The following PCDHGA2 variants were observed in gnomAD, a reference collection of about 807,000 sequenced individuals.
PCDHGA2 encodes the protein protocadherin gamma subfamily A, 2, also known as protocadherin gamma-A2.
A neutral mutation model predicts 59.2 loss-of-function variants in PCDHGA2; 40 were observed. That is an observed-to-expected ratio of 0.68 (90% confidence interval 0.52 to 0.88). The LOEUF is 0.88. Among genes scored for constraint, PCDHGA2 ranks in the 40% least tolerant of loss-of-function variants. PCDHGA2 has a pLI of 0.00. For synonymous variants in PCDHGA2, 560 were observed against 526.0 expected (o/e 1.06, Z -0.89); for missense variants, 1,226 against 1,204.0 (o/e 1.02, Z -0.27).
In PCDHGA2 at chr5:141,487,107, T is replaced by C. The variant is rs1193091014; in HGVS notation, c.2425-7700T>C. 6.2e-7 allele frequency: 1 copy of C among 1,613,926 alleles called. No individual in the cohort carries two copies. The highest frequency in any genetic ancestry group is 8.5e-7 in the Non-Finnish European group (1 of 1,179,782). On this transcript the variant is annotated intron_variant, in intron 1 of 3. Transcript: ENST00000394576. This position sits in a 1 kb window ranked among gnomAD's most constrained non-coding sequence, Gnocchi z 5.0. ...GACCTCCCACCACAGAAGCTGGTCA[T>C]TGTGGTAAAGGATAGTGGTAGTCCA...
intron 2 of PCDHGA2, among the ~76,000 whole-genome samples, chr5:141,504,355 C>T (rs974022699): frequency 6.6e-6 from 1 of 152,078 alleles, no homozygotes; most frequent in Non-Finnish European, 1.5e-5. Flanking sequence ...GTGCTAGGTG[C>T]TTCAGTAGGA....
Position 141,432,059 on chromosome 5 carries a change from A to T in PCDHGA2, c.2425-62748A>T. On this transcript the variant is annotated intron_variant, in intron 1 of 3. Transcript: ENST00000394576. This position sits in a 1 kb window ranked among gnomAD's most constrained non-coding sequence, Gnocchi z 6.0. ...TGACCGGGGAACCCCGCCCCTATCC[A>T]CGGAAACTCATATCTCGCTGAACGT... The T allele has an allele frequency of 6.2e-7, 1 of 1,614,170 alleles. No homozygotes were observed. Among genetic ancestry groups the T allele is most frequent in the Non-Finnish European group, 8.5e-7 (1 of 1,180,030 alleles).
At position 141,410,475 on chromosome 5, in the gene PCDHGA2, A is replaced by G. The variant is rs185995562; in HGVS notation, c.2424+69080A>G. ...TATTCTTATAATCTGTGCATTGCAC[A>G]TACGGGTACAAAAGAGTTTAATTTC... is the stretch of plus-strand genomic sequence containing the variant. On this transcript the variant is annotated intron_variant, in intron 1 of 3. Transcript: ENST00000394576. The G allele has an allele frequency of 3.7e-6, 6 of 1,614,052 alleles. No homozygotes were observed. In the South Asian group the frequency reaches 6.6e-5, roughly 18 times the overall value.
Position 141,491,706 on chromosome 5 carries a change from G to T in PCDHGA2, c.2425-3101G>T. 6.2e-7 allele frequency: 1 copy of T among 1,611,088 alleles called. No individual in the cohort carries two copies. Among genetic ancestry groups the T allele is most frequent in the Non-Finnish European group, 8.5e-7 (1 of 1,178,772 alleles). On this transcript the variant is annotated intron_variant, in intron 1 of 3. Coordinates refer to ENST00000394576, the MANE Select transcript of PCDHGA2 (RefSeq NM_018915.4). The surrounding 1 kb of genome is among the most constrained non-coding windows in gnomAD (Gnocchi z 6.9). Reference sequence around the variant, plus strand: ...CGCTGCGGGAGCGGAGCCAGGTGAGGGGCTCGGCGCCGCCCCGGGCGACCC... The same window carrying T: ...CGCTGCGGGAGCGGAGCCAGGTGAGTGGCTCGGCGCCGCCCCGGGCGACCC...
chr5:141,441,838 C>A, intron 1 of PCDHGA2: 1 of 355,582 alleles, frequency 2.8e-6, no homozygotes, highest in Non-Finnish European at 5.5e-6. Context: ...TGGCTTCGCG[C>A]TCTTGGATAT....
rs1768955352 is a variant in PCDHGA2, at chr5:141,372,667, C to T, written c.2424+31272C>T. 1.9e-6 allele frequency: 3 copies of T among 1,613,922 alleles called. No homozygotes were observed. In the African/African-American group the frequency reaches 4.0e-5, roughly 22 times the overall value. On this transcript the variant is annotated intron_variant, in intron 1 of 3. Transcript: ENST00000394576. Reference sequence around the variant, plus strand: ...TATTCCTACAATCCGTGTGCTGCCTCACATTCCTCAAACACCGAGTTTAAA... The same window carrying T: ...TATTCCTACAATCCGTGTGCTGCCTTACATTCCTCAAACACCGAGTTTAAA...
chr5:141,366,239 G>A, intron 1 of PCDHGA2: 3 of 1,613,776 alleles, frequency 1.9e-6, no homozygotes, highest in Non-Finnish European at 1.7e-6. Context: ...GGACAGAGAC[G>A]CGCTCAAGCA....
At chr5:141,345,705 A>G in intron 1 of PCDHGA2, 4 of 1,614,204 alleles carry the variant, frequency 2.5e-6, no homozygotes, top group Non-Finnish European at 3.4e-6. Flanking sequence ...CCAGAACGAC[A>G]ACGCGCCCGA....
Position 141,431,897 on chromosome 5 carries a change from G to A in PCDHGA2, c.2425-62910G>A. On this transcript the variant is annotated intron_variant, in intron 1 of 3. Transcript: ENST00000394576. This position sits in a 1 kb window ranked among gnomAD's most constrained non-coding sequence, Gnocchi z 4.8. ...AAATGACCAAGATTCTGAGGAAAAC[G>A]GACAGGTGATCTGTTTCATCCAAGG... is the stretch of plus-strand genomic sequence containing the variant. 6 of 1,613,830 alleles carry A rather than the reference G, an allele frequency of 3.7e-6. No individual in the cohort carries two copies. The highest frequency in any genetic ancestry group is 5.1e-6 in the Non-Finnish European group (6 of 1,179,704).
chr5:141,431,405 G>A lies in PCDHGA2; in HGVS notation c.2425-63402G>A, dbSNP rs2097369508. Reference sequence around the variant, plus strand: ...TCACCACCTGGTCCTTACGGCCTCCGACGGGGGCGACCCGGTGCGCACAGG... The same window carrying A: ...TCACCACCTGGTCCTTACGGCCTCCAACGGGGGCGACCCGGTGCGCACAGG... On this transcript the variant is annotated intron_variant, in intron 1 of 3. Transcript: ENST00000394576. The surrounding 1 kb of genome is among the most constrained non-coding windows in gnomAD (Gnocchi z 4.8). 1 of 1,613,614 alleles carries A rather than the reference G, an allele frequency of 6.2e-7. No individual in the cohort carries two copies.
At chr5:141,451,019 G>A (rs1348607593) in intron 1 of PCDHGA2, among the ~76,000 whole-genome samples, 7 of 151,274 alleles carry the variant, frequency 4.6e-5, no homozygotes, top group Admixed American at 2.0e-4. Context: ...TAGTAGAGAC[G>A]AGGTTTCACC....
chr5:141,351,380 C>A, intron 1 of PCDHGA2: 1 of 1,612,118 alleles, frequency 6.2e-7, no homozygotes, highest in Non-Finnish European at 8.5e-7. Context: ...GGATTCTGGG[C>A]AAAATGGCAT....
chr5:141,467,476 G>C (rs114088806), intron 1 of PCDHGA2, among the ~76,000 whole-genome samples: 1,866 of 152,156 alleles, frequency 0.012, 41 homozygotes, highest in African/African-American at 0.043. Flanking sequence ...CATGGTTTTT[G>C]GTTTCCACAT....
intron 1 of PCDHGA2, chr5:141,389,148 G>A (rs749167212): frequency 6.2e-7 from 1 of 1,613,996 alleles, no homozygotes. Context: ...AACCGTTACG[G>A]CAACAGATCG....
chr5:141,412,998 T>G, intron 1 of PCDHGA2: 1 of 586,036 alleles, frequency 1.7e-6, no homozygotes, highest in Non-Finnish European at 2.9e-6. Context: ...ATCCGGATTC[T>G]CAGGGCTTCA....
chr5:141,370,785 C>T, intron 1 of PCDHGA2: 1 of 1,614,018 alleles, frequency 6.2e-7, no homozygotes, highest in Non-Finnish European at 8.5e-7. Flanking sequence ...CGACAACCCA[C>T]CGACCTTTAG....
At position 141,366,074 on chromosome 5, in the gene PCDHGA2, G is replaced by A; in HGVS notation, c.2424+24679G>A. The A allele has an allele frequency of 1.9e-6, 3 of 1,614,218 alleles. No homozygotes were observed. In the South Asian group the frequency reaches 3.3e-5, roughly 18 times the overall value. On this transcript the variant is annotated intron_variant, in intron 1 of 3. Coordinates refer to ENST00000394576, the MANE Select transcript of PCDHGA2 (RefSeq NM_018915.4). Reference sequence around the variant, plus strand: ...GGGCGTGGAGCTGGCGCCTCGCTCCGCAGAACCTGGCTACCTGGTGACCAA... The same window carrying A: ...GGGCGTGGAGCTGGCGCCTCGCTCCACAGAACCTGGCTACCTGGTGACCAA...
At chr5:141,372,808 A>G in intron 1 of PCDHGA2, 1 of 1,589,102 alleles carries the variant, frequency 6.3e-7, no homozygotes, top group South Asian at 1.1e-5. Flanking sequence ...AATTTGCAAA[A>G]GGTGAGTTTC....
chr5:141,511,581 T>C lies in PCDHGA2; in HGVS notation c.*408T>C, dbSNP rs2099883862. ...TCTTTCCCGAGTAAGGTGGTTGGGG[T>C]GTTGAAGTACCAAGTAACCTACAAG... On this transcript the variant is annotated 3_prime_UTR_variant, in exon 4 of 4. Transcript: ENST00000394576. 1 of 281,638 alleles carries C rather than the reference T, an allele frequency of 3.6e-6. No homozygotes were observed. The highest frequency in any genetic ancestry group is 2.2e-5 in the African/African-American group (1 of 46,302). 17.4% of individuals were successfully genotyped at this position (281,638 alleles called of 1,614,324 possible). A position where few individuals can be genotyped will look rare whatever the true frequency, so the allele number is the denominator to read the frequency against.
Sources: allele counts gnomAD v4.1 joint callset (sites outside exome capture counted in the v4.1 genomes callset), GRCh38; gene constraint gnomAD v4.1.1; non-coding constraint Gnocchi (gnomAD v3.1); transcripts MANE v1.5; gene names NCBI Gene and HGNC (gene_info 2026-07-23, HGNC 2026-07-21).